Variants in DGKH observed in about 807,000 individuals in gnomAD.
DGKH encodes DAG kinase eta.
DGKH carries 90 observed loss-of-function variants against 159.3 expected under a neutral mutation model. The observed-to-expected ratio is 0.57, with a 90% CI of 0.48 to 0.67. The LOEUF (loss-of-function observed/expected upper bound fraction) is 0.67. DGKH is among the 30% of genes least tolerant of loss of function. The pLI is 0.00. For synonymous variants in DGKH, 536 were observed against 553.8 expected (o/e 0.97, Z 0.45); for missense variants, 1,181 against 1,506.1 (o/e 0.78, Z 3.57).
At chr13:42,152,381 A>G (rs1269539515) in intron 3 of DGKH, among the ~76,000 whole-genome samples, 1 of 151,892 alleles carries the variant, frequency 6.6e-6, no homozygotes, top group Non-Finnish European at 1.5e-5. Flanking sequence ...GCTTTGACCA[A>G]TAGTCTTCAA....
intron 3 of DGKH, among the ~76,000 whole-genome samples, chr13:42,134,926 G>A (rs1049466519): frequency 2.0e-5 from 3 of 152,008 alleles, no homozygotes; most frequent in Non-Finnish European, 2.9e-5. Flanking sequence ...GCAGTGAGCC[G>A]AGATCGTGCC....
At chr13:42,070,967 C>G in intron 1 of DGKH, 1 of 1,314,646 alleles carries the variant, frequency 7.6e-7, no homozygotes, top group Admixed American at 1.7e-5. Context: ...ACTCTTTTGT[C>G]ACAATCATTG....
At chr13:42,129,519 C>G in intron 2 of DGKH, 33 bp from the exon 3 acceptor site, 2 of 1,558,780 alleles carry the variant, frequency 1.3e-6, no homozygotes, top group African/African-American at 1.4e-5. Context: ...AGGTTTTCTT[C>G]TAATGTCTTT....
At chr13:42,069,685 G>T in intron 1 of DGKH, 1 of 1,183,504 alleles carries the variant, frequency 8.4e-7, no homozygotes. Flanking sequence ...AATAAGCTTG[G>T]GTTCATAGTA....
intron 1 of DGKH, chr13:42,069,009 T>C (rs1304475047): frequency 6.8e-7 from 1 of 1,470,214 alleles, no homozygotes; most frequent in Non-Finnish European, 9.5e-7. Flanking sequence ...AAGCTGTTAA[T>C]GTGGCCTGTA....
chr13:42,154,087 T>C (rs1955982133), intron 3 of DGKH, among the ~76,000 whole-genome samples: 1 of 152,250 alleles, frequency 6.6e-6, no homozygotes, highest in Non-Finnish European at 1.5e-5. Flanking sequence ...TGATTTAGGC[T>C]TACTAGTTTA....
chr13:42,256,362 TG>T lies in DGKH; in HGVS notation n.4207del. 7 of 1,587,190 alleles carry T rather than the reference TG, an allele frequency of 4.4e-6. No homozygotes were observed. The South Asian group carries it at 6.6e-5, about 15-fold the overall frequency. On this transcript the variant is annotated non_coding_transcript_exon_variant, in exon 31 of 31. Transcript: ENST00000498255. ...AACAAGCTGATGAATGAGTCTCAAA[TG>T]TTGGTGACAGCTCTCAATCCTCGTA... is the stretch of plus-strand genomic sequence containing the variant.
chr13:42,211,756 G>C (rs1432293917), intron 24 of DGKH, among the ~76,000 whole-genome samples: 2 of 152,114 alleles, frequency 1.3e-5, no homozygotes, highest in African/African-American at 4.8e-5. Flanking sequence ...GTCTGGGGAG[G>C]CCTCACAATC....
At chr13:42,186,269 A>C (rs1956925807) in intron 13 of DGKH, among the ~76,000 whole-genome samples, 1 of 152,218 alleles carries the variant, frequency 6.6e-6, no homozygotes, top group Non-Finnish European at 1.5e-5. Flanking sequence ...CTTGGCTTTA[A>C]AAAAGCTGGT....
rs1958232548 is a variant in DGKH at position 42,229,431 on chromosome 13, T to G, written c.*243T>G. ...GCAAACCTGACATGTTCAAATATAT[T>G]CACAATGGTAATAAGGTAGGAGGAA... On this transcript the variant is annotated 3_prime_UTR_variant, in exon 30 of 30. Coordinates refer to ENST00000337343, the MANE Select transcript of DGKH (RefSeq NM_178009.5). 1 of 413,338 alleles carries G rather than the reference T, an allele frequency of 2.4e-6. No homozygotes were observed. 25.6% of individuals were successfully genotyped at this position (413,338 alleles called of 1,614,324 possible).
In DGKH at chr13:42,102,097, G is replaced by A. The variant is rs370423117; in HGVS notation, c.193-25366G>A. Among the ~76,000 whole-genome samples, 37 of 152,312 alleles carry A rather than the reference G, an allele frequency of 2.4e-4. No individual in the cohort carries two copies. In the South Asian group the frequency reaches 6.2e-3, roughly 26 times the overall value. On this transcript the variant is annotated intron_variant, in intron 1 of 29. Transcript: ENST00000337343. ...GTCCAAGAGATCAAGGCCGGGGCTG[G>A]GAAGGCAGGAAGGAAAGGGATGATT...
chr13:42,115,175 A>G (rs910914492), intron 1 of DGKH, among the ~76,000 whole-genome samples: 10 of 152,228 alleles, frequency 6.6e-5, no homozygotes, highest in East Asian at 1.9e-4. Context: ...TCCTGCCAGT[A>G]TAGTGACTTG....
intron 1 of DGKH, among the ~76,000 whole-genome samples, chr13:42,112,004 C>G (rs1371291508): frequency 6.6e-6 from 1 of 152,188 alleles, no homozygotes; most frequent in Non-Finnish European, 1.5e-5. Context: ...CCTGGCATGC[C>G]CTGCACAGAG....
chr13:42,110,153 T>C (rs1954834778), intron 1 of DGKH, among the ~76,000 whole-genome samples: 1 of 152,128 alleles, frequency 6.6e-6, no homozygotes, highest in Non-Finnish European at 1.5e-5. Flanking sequence ...AAATGCTGAG[T>C]AGCTCTTTCT....
chr13:42,198,024 C>T (rs1386080759), intron 17 of DGKH, among the ~76,000 whole-genome samples: 2 of 152,136 alleles, frequency 1.3e-5, no homozygotes, highest in African/African-American at 2.4e-5. Flanking sequence ...TGAGTTTTCA[C>T]CTTAATACAT....
intron 11 of DGKH, 94 bp from the exon 12 acceptor site, chr13:42,173,966 T>C (rs1255130465): frequency 6.1e-6 from 3 of 495,080 alleles, no homozygotes; most frequent in Admixed American, 3.0e-5. Flanking sequence ...TGTGCGTGCG[T>C]GTGTGTGTGT....
At chr13:42,216,821 T>C (rs980052743) in intron 26 of DGKH, 1 of 152,240 alleles carries the variant, frequency 6.6e-6, no homozygotes, top group Non-Finnish European at 1.5e-5. Flanking sequence ...TGGCTTTTTT[T>C]GGCACTACTG....
intron 3 of DGKH, among the ~76,000 whole-genome samples, chr13:42,131,001 A>G (rs1386747619): frequency 6.6e-6 from 1 of 151,920 alleles, no homozygotes; most frequent in Non-Finnish European, 1.5e-5. Flanking sequence ...GACACGTCCT[A>G]TACTGTAGAG....
At chr13:42,059,879 C>T (rs1175050861) in intron 1 of DGKH, among the ~76,000 whole-genome samples, 1 of 149,880 alleles carries the variant, frequency 6.7e-6, no homozygotes, top group African/African-American at 2.4e-5. Flanking sequence ...CTTTTGCTTT[C>T]AAAGTTTAAG....
Sources: allele counts gnomAD v4.1 joint callset (sites outside exome capture counted in the v4.1 genomes callset), GRCh38; gene constraint gnomAD v4.1.1; transcripts MANE v1.5; gene names NCBI Gene and HGNC (gene_info 2026-07-23, HGNC 2026-07-21).